STKLD1: variants seen among roughly 807,000 people sequenced by gnomAD.
The protein encoded by STKLD1 is serine/threonine kinase-like domain-containing protein STKLD1.
Under a neutral mutation model 80.4 loss-of-function variants are expected in STKLD1, and 79 were observed. The ratio of observed to expected loss-of-function variants is 0.98; its 90% CI spans 0.82 to 1.19. The LOEUF is 1.19. Ranked by LOEUF, STKLD1 falls within the 50% of genes most tolerant of loss-of-function variation. The pLI is 0.00. For missense variants in STKLD1, 841 were observed against 856.0 expected, an observed-to-expected ratio of 0.98 and a Z score of 0.22; for synonymous variants, 393 against 357.6, an observed-to-expected ratio of 1.10 and a Z score of -1.12.
At chr9:133,391,405 G>A (rs1490669520) in intron 7 of STKLD1, among the ~76,000 whole-genome samples, 9 of 151,384 alleles carry the variant, frequency 5.9e-5, no homozygotes, top group Non-Finnish European at 1.0e-4. Flanking sequence ...TGGCAATGGC[G>A]GTTTTGTGGA....
chr9:133,399,269 TC>T (rs1838635961), intron 11 of STKLD1, among the ~76,000 whole-genome samples: 1 of 152,224 alleles, frequency 6.6e-6, no homozygotes, highest in Admixed American at 6.5e-5. Context: ...CACCCATCCA[TC>T]CGTCTGTCTA....
chr9:133,388,205 A>G (rs1838305523), intron 5 of STKLD1, among the ~76,000 whole-genome samples: 1 of 152,186 alleles, frequency 6.6e-6, no homozygotes, highest in Non-Finnish European at 1.5e-5. Context: ...AGTTGTGAGC[A>G]TTCCCGATCC....
chr9:133,379,061 C>T lies in STKLD1; in HGVS notation c.113C>T (p.Ala38Val), dbSNP rs1258443713. 1.2e-6 allele frequency: 2 copies of T among 1,613,770 alleles called. No homozygotes were observed. Among genetic ancestry groups the T allele is most frequent in the South Asian group, 1.1e-5 (1 of 91,076 alleles). Residue 38 changes from alanine to valine, a missense_variant, in exon 2 of 18, where the codon GCC (alanine) becomes GTC (valine). Transcript: ENST00000371957. ...YQVLYQLNPGALGVNLVVEEM... is the reference protein window; with the variant it reads ...YQVLYQLNPGVLGVNLVVEEM... ...GTTTTGTACCAGCTGAATCCTGGGG[C>T]CTTGGGGGTGAACCTGGTGGTGGAG...
chr9:133,387,403 C>T (rs2130279394), intron 4 of STKLD1, 44 bp from the exon 5 acceptor site: 45 of 1,542,994 alleles, frequency 2.9e-5, no homozygotes, highest in East Asian at 6.8e-5. Context: ...GCAGAAGCAC[C>T]GGGGCCTGGG....
chr9:133,386,360 C>G (rs1838265630), intron 4 of STKLD1, among the ~76,000 whole-genome samples: 1 of 152,272 alleles, frequency 6.6e-6, no homozygotes, highest in South Asian at 2.1e-4. Flanking sequence ...ACGCAGCCAA[C>G]GAGCTTGTCC....
intron 16 of STKLD1, 97 bp downstream of exon 16, chr9:133,404,145 G>A: frequency 7.1e-7 from 1 of 1,408,570 alleles, no homozygotes; most frequent in Non-Finnish European, 9.5e-7. Flanking sequence ...CCAAAAAACA[G>A]AAGCAACAAA....
chr9:133,403,645 C>T (rs1838765497), intron 14 of STKLD1, 55 bp from the exon 15 acceptor site: 3 of 1,584,770 alleles, frequency 1.9e-6, no homozygotes, highest in African/African-American at 2.7e-5. Flanking sequence ...TGGGAAGGCC[C>T]CCCTGCACAC....
Position 133,389,606 on chromosome 9 carries a change from G to T in STKLD1, c.467+10G>T. 1 of 1,613,464 alleles carries T rather than the reference G, an allele frequency of 6.2e-7. No individual in the cohort carries two copies. Among genetic ancestry groups the T allele is most frequent in the Non-Finnish European group, 8.5e-7 (1 of 1,179,874 alleles). On this transcript the variant is annotated intron_variant, in intron 6 of 17. Transcript: ENST00000371957. This position sits in a 1 kb window ranked among gnomAD's most constrained non-coding sequence, Gnocchi z 6.4. ...TGGACATCATCCACAGGTAAGTGGG[G>T]CCCCTGACCTCTGCGGACTGGCTGG...
Position 133,390,536 on chromosome 9 carries a change from G to C in STKLD1, c.468-145G>C, listed in dbSNP as rs1838366154. On this transcript the variant is annotated intron_variant, in intron 6 of 17. Coordinates refer to ENST00000371957, the MANE Select transcript of STKLD1 (RefSeq NM_153710.5). The surrounding 1 kb of genome is among the most constrained non-coding windows in gnomAD (Gnocchi z 5.1). ...TGGGGCATTTTGTGGAGGAGAGGAGGATGTGGGCTGCTGCTGCAGAACCAG... is the reference window on the plus strand; with the variant it reads ...TGGGGCATTTTGTGGAGGAGAGGAGCATGTGGGCTGCTGCTGCAGAACCAG... 6.1e-6 allele frequency: 4 copies of C among 659,834 alleles called. No homozygotes were observed. Among genetic ancestry groups the C allele is most frequent in the Non-Finnish European group, 1.1e-5 (4 of 364,040 alleles). The allele number at this position is 659,834 out of a possible 1,614,324, so 40.9% of individuals were successfully genotyped here.
At chr9:133,387,607 C>A in intron 5 of STKLD1, 59 bp downstream of exon 5, 1 of 1,346,830 alleles carries the variant, frequency 7.4e-7, no homozygotes, top group Non-Finnish European at 1.1e-6. Flanking sequence ...ACAGGCCCTG[C>A]GGTGCAGGGC....
chr9:133,379,691 A>G (rs1838088659), intron 2 of STKLD1, among the ~76,000 whole-genome samples: 1 of 152,234 alleles, frequency 6.6e-6, no homozygotes, highest in Non-Finnish European at 1.5e-5. Flanking sequence ...GGGGAGGTGT[A>G]GGCCTGCAGG....
chr9:133,392,257 T>C (rs1838417533), intron 7 of STKLD1, among the ~76,000 whole-genome samples: 1 of 151,994 alleles, frequency 6.6e-6, no homozygotes, highest in African/African-American at 2.4e-5. Context: ...TTTGTATTTT[T>C]TTTAGTAGAG....
At position 133,389,121 on chromosome 9, in the gene STKLD1, T is replaced by C. The variant is rs1460630975; in HGVS notation, c.397-405T>C. The C allele has an allele frequency of 9.1e-6, 9 of 985,268 alleles. No individual in the cohort carries two copies. The highest frequency in any genetic ancestry group is 1.1e-5 in the Non-Finnish European group (9 of 829,922). 61.0% of individuals were successfully genotyped at this position (985,268 alleles called of 1,614,324 possible). A position where few individuals can be genotyped will look rare whatever the true frequency, so the allele number is the denominator to read the frequency against. On this transcript the variant is annotated intron_variant, in intron 5 of 17. Transcript: ENST00000371957. This position sits in a 1 kb window ranked among gnomAD's most constrained non-coding sequence, Gnocchi z 6.4. ...CTAGCATTCTCTCTCAGGGCTCTTTTCATTTGAATGACCTAGAGGATTGAG... is the reference window on the plus strand; with the variant it reads ...CTAGCATTCTCTCTCAGGGCTCTTTCCATTTGAATGACCTAGAGGATTGAG...
At chr9:133,397,376 G>A (rs1838589461) in intron 10 of STKLD1, 82 bp downstream of exon 10, 5 of 1,572,102 alleles carry the variant, frequency 3.2e-6, no homozygotes, top group Non-Finnish European at 4.3e-6. Flanking sequence ...GTTCCAGAGG[G>A]TTCATTATTT....
intron 4 of STKLD1, among the ~76,000 whole-genome samples, chr9:133,386,552 G>T (rs1235297864): frequency 6.6e-6 from 1 of 152,246 alleles, no homozygotes; most frequent in Non-Finnish European, 1.5e-5. Context: ...AGGGCTGCAG[G>T]GCAGGAAGTA....
intron 1 of STKLD1, among the ~76,000 whole-genome samples, chr9:133,378,727 T>C (rs1838063938): frequency 6.6e-6 from 1 of 152,222 alleles, no homozygotes; most frequent in South Asian, 2.1e-4. Flanking sequence ...AGAGAGTGAA[T>C]AAGCCCTTTT....
chr9:133,382,538 ATGGTGATGG>A (rs1442782481), intron 2 of STKLD1, among the ~76,000 whole-genome samples: 1 of 148,340 alleles, frequency 6.7e-6, no homozygotes, highest in Non-Finnish European at 1.5e-5. Flanking sequence ...GGTGATGATA[ATGGTGATGG>A]TGGTGATGGT....
At position 133,403,015 on chromosome 9, in the gene STKLD1, G is replaced by T; in HGVS notation, c.1474+3G>T. The T allele has an allele frequency of 6.4e-7, 1 of 1,562,638 alleles. No homozygotes were observed. The highest frequency in any genetic ancestry group is 1.4e-5 in the African/African-American group (1 of 73,848). ...GCTCTGGGCCCTCCTGCTGGACGGT[G>T]AGGGGCCCTCCTCCTGCTGTCCCAC... is the stretch of plus-strand genomic sequence containing the variant. On this transcript the variant is annotated splice_donor_region_variant and intron_variant, in intron 14 of 17. Coordinates refer to ENST00000371957, the MANE Select transcript of STKLD1 (RefSeq NM_153710.5).
chr9:133,383,111 G>C (rs1054194686), intron 2 of STKLD1, among the ~76,000 whole-genome samples: 8 of 144,338 alleles, frequency 5.5e-5, no homozygotes, highest in Admixed American at 5.5e-4. Context: ...GGTGGTGGTG[G>C]TGATGGTGTG....
Sources: allele counts gnomAD v4.1 joint callset (sites outside exome capture counted in the v4.1 genomes callset), GRCh38; gene constraint gnomAD v4.1.1; non-coding constraint Gnocchi (gnomAD v3.1); transcripts MANE v1.5; gene names NCBI Gene and HGNC (gene_info 2026-07-23, HGNC 2026-07-21).